The following LYPLAL1 variants were observed in gnomAD, a reference collection of about 807,000 sequenced individuals.
The protein encoded by LYPLAL1 is lysophospholipase-like protein 1.
In LYPLAL1, 23 loss-of-function variants were observed where a neutral mutation model predicts 19.7. The observed-to-expected ratio is 1.17, with a 90% CI of 0.84 to 1.65. The LOEUF is 1.65. Among genes scored for constraint, LYPLAL1 ranks in the 40% most tolerant of loss-of-function variants. LYPLAL1 has a pLI of 0.00. For missense variants in LYPLAL1, 355 were observed against 279.4 expected (o/e 1.27, Z -1.93); for synonymous variants, 119 against 96.3 (o/e 1.24, Z -1.38).
At chr1:219,369,682 A>C in the LYPLAL1 span, among the ~76,000 whole-genome samples, 1 of 152,236 alleles carries the variant, frequency 6.6e-6, no homozygotes, top group South Asian at 2.1e-4. Flanking sequence ...ATCTGAATTC[A>C]TTCTACTCTG....
At chr1:219,243,366 T>G in the LYPLAL1 span, among the ~76,000 whole-genome samples, 6 of 152,028 alleles carry the variant, frequency 3.9e-5, no homozygotes, top group East Asian at 1.2e-3. Flanking sequence ...AATCAAAAAA[T>G]GAAGGAAGGA....
the LYPLAL1 span, among the ~76,000 whole-genome samples, chr1:219,257,100 A>G: frequency 6.6e-6 from 1 of 151,952 alleles, no homozygotes; most frequent in African/African-American, 2.4e-5. Flanking sequence ...CTGTATCCTT[A>G]TGTTTTAGAT....
chr1:219,288,480 TTATC>T, the LYPLAL1 span, among the ~76,000 whole-genome samples: 15 of 152,222 alleles, frequency 9.9e-5, no homozygotes, highest in African/African-American at 3.4e-4. Context: ...GTGGGATAAT[TTATC>T]TACAGAAAAT....
At chr1:219,258,527 G>A in the LYPLAL1 span, among the ~76,000 whole-genome samples, 1 of 151,888 alleles carries the variant, frequency 6.6e-6, no homozygotes, top group African/African-American at 2.4e-5. Flanking sequence ...TAAACGTAAG[G>A]TATATCTTTT....
the LYPLAL1 span, among the ~76,000 whole-genome samples, chr1:219,218,007 T>C: frequency 6.6e-6 from 1 of 152,112 alleles, no homozygotes; most frequent in East Asian, 1.9e-4. Flanking sequence ...GTTCTTCTGC[T>C]TGAAGTTTTA....
At chr1:219,298,757 T>C in the LYPLAL1 span, among the ~76,000 whole-genome samples, 1 of 152,238 alleles carries the variant, frequency 6.6e-6, no homozygotes, top group Non-Finnish European at 1.5e-5. Context: ...GAAGACATCC[T>C]TGAGGTCATT....
intron 2 of LYPLAL1, among the ~76,000 whole-genome samples, chr1:219,190,860 A>C (rs996331821): frequency 6.6e-6 from 1 of 151,594 alleles, no homozygotes; most frequent in African/African-American, 2.4e-5. Flanking sequence ...CAATGTTGAT[A>C]GTCTCACTCA....
chr1:219,399,173 G>C, the LYPLAL1 span, among the ~76,000 whole-genome samples: 3 of 152,172 alleles, frequency 2.0e-5, no homozygotes. Flanking sequence ...AGCTGGGGCG[G>C]GGGGGCCTCC....
At chr1:219,186,121 A>G (rs1001190897) in intron 2 of LYPLAL1, among the ~76,000 whole-genome samples, 5 of 151,850 alleles carry the variant, frequency 3.3e-5, no homozygotes, top group African/African-American at 1.2e-4. Context: ...TTATTTAGAA[A>G]CATGTTGTTT....
chr1:219,386,336 C>G, the LYPLAL1 span, among the ~76,000 whole-genome samples: 1 of 152,154 alleles, frequency 6.6e-6, no homozygotes, highest in Non-Finnish European at 1.5e-5. Context: ...TAACACTATT[C>G]CGTCAGAAAA....
rs747899631 is a variant in LYPLAL1, at chr1:219,210,477, A to G, written c.362-55A>G. Reference sequence around the variant, plus strand: ...AAAATATGGAAAATTGTTATATATCATATCCTAAATTATTATTTTATGTAT... The same window carrying G: ...AAAATATGGAAAATTGTTATATATCGTATCCTAAATTATTATTTTATGTAT... On this transcript the variant is annotated intron_variant, in intron 3 of 4. Coordinates refer to ENST00000366928, the MANE Select transcript of LYPLAL1 (RefSeq NM_138794.5). 7.0e-6 allele frequency: 8 copies of G among 1,146,570 alleles called. No homozygotes were observed. The African/African-American group carries it at 1.1e-4, about 16-fold the overall frequency. 71.0% of individuals were successfully genotyped at this position (1,146,570 alleles called of 1,614,324 possible).
chr1:219,284,507 A>G, the LYPLAL1 span, among the ~76,000 whole-genome samples: 68 of 152,228 alleles, frequency 4.5e-4, 1 homozygote, highest in African/African-American at 1.6e-3. Context: ...TACACCTACT[A>G]TGTACCTACA....
intron 2 of LYPLAL1, among the ~76,000 whole-genome samples, chr1:219,184,590 T>C (rs749571932): frequency 2.0e-5 from 3 of 151,958 alleles, no homozygotes; most frequent in Admixed American, 6.6e-5. Flanking sequence ...CTAGGGTTTT[T>C]TGTATATATG....
chr1:219,445,062 TG>T, the LYPLAL1 span, among the ~76,000 whole-genome samples: 1 of 150,290 alleles, frequency 6.7e-6, no homozygotes, highest in Non-Finnish European at 1.5e-5. Context: ...AAAAAAATCC[TG>T]TGAATAAAAA....
At chr1:219,220,547 C>T in the LYPLAL1 span, among the ~76,000 whole-genome samples, 111,240 of 151,980 alleles carry the variant, frequency 0.73, 41,454 homozygotes, top group East Asian at 0.92. Context: ...CTGGCCGTTA[C>T]CTGGAATATC....
chr1:219,196,624 A>G (rs1351807940), intron 3 of LYPLAL1, among the ~76,000 whole-genome samples: 1 of 152,160 alleles, frequency 6.6e-6, no homozygotes, highest in Non-Finnish European at 1.5e-5. Context: ...TCTATTCAAC[A>G]TAGTATTGGG....
chr1:219,273,201 C>T, the LYPLAL1 span: 1 of 152,104 alleles, frequency 6.6e-6, no homozygotes, highest in African/African-American at 2.4e-5. Context: ...TAAGTAATTG[C>T]CTGGAAAAGG....
At chr1:219,339,654 G>A in the LYPLAL1 span, among the ~76,000 whole-genome samples, 2 of 152,002 alleles carry the variant, frequency 1.3e-5, no homozygotes, top group African/African-American at 2.4e-5. Context: ...GGTATCACTT[G>A]CATTTATTCC....
chr1:219,364,734 A>T, the LYPLAL1 span, among the ~76,000 whole-genome samples: 1 of 152,174 alleles, frequency 6.6e-6, no homozygotes, highest in African/African-American at 2.4e-5. Context: ...AACAGTCTGT[A>T]TTTGGATTTA....
Sources: gnomAD v4.1 joint callset for allele counts (sites outside exome capture counted in the v4.1 genomes callset) on GRCh38, gnomAD v4.1.1 for gene constraint, MANE v1.5 for transcripts, NCBI Gene and HGNC (gene_info 2026-07-23, HGNC 2026-07-21) for gene names.